TEX10: variants seen among roughly 807,000 people sequenced by gnomAD.
TEX10 encodes the protein testis expressed 10.
In TEX10, 24 loss-of-function variants were observed where a neutral mutation model predicts 104.4. The ratio of observed to expected loss-of-function variants is 0.23; its 90% confidence interval spans 0.17 to 0.32. The LOEUF is 0.32. TEX10 is among the 10% of genes least tolerant of loss of function. The pLI, the probability that TEX10 is intolerant of heterozygous loss-of-function variation, is 1.00. For synonymous variants in TEX10, 396 were observed against 393.4 expected (o/e 1.01, Z -0.08); for missense variants, 921 against 1,083.9 (o/e 0.85, Z 2.11).
chr9:100,351,078 G>C (rs1261253048), intron 1 of TEX10, among the ~76,000 whole-genome samples: 1 of 151,946 alleles, frequency 6.6e-6, no homozygotes, highest in Non-Finnish European at 1.5e-5. Flanking sequence ...ACCAAGCCCG[G>C]TACTAGATGC....
Position 100,322,766 on chromosome 9 carries a change from C to T in TEX10, c.1980-995G>A, listed in dbSNP as rs1233460362. Among the ~76,000 whole-genome samples, 5 of 152,056 alleles carry T rather than the reference C, an allele frequency of 3.3e-5. No homozygotes were observed. In the East Asian group the frequency reaches 9.6e-4, roughly 29 times the overall value. On this transcript the variant is annotated intron_variant, in intron 9 of 14. Transcript: ENST00000374902. Reference sequence around the variant, plus strand: ...GAGTAGCTGGGATTATAGACGTGCACCAACACACCCAGCTAATTTTTGTAT... The same window carrying T: ...GAGTAGCTGGGATTATAGACGTGCATCAACACACCCAGCTAATTTTTGTAT...
At position 100,340,352 on chromosome 9, in the gene TEX10, C is replaced by A. The variant is rs1407485389; in HGVS notation, c.1155G>T (p.Lys385Asn). 3 of 1,559,570 alleles carry A rather than the reference C, an allele frequency of 1.9e-6. No homozygotes were observed. Among genetic ancestry groups the A allele is most frequent in the Non-Finnish European group, 2.6e-6 (3 of 1,161,442 alleles). ...ETHKLESWLR[K>N]NYLIDFKHHF... Reference sequence around the variant, plus strand: ...GGTGTTTAAAATCAATAAGGTAGTTCTTTCGAAGCCATGACTCCTATTGAA... The same window carrying A: ...GGTGTTTAAAATCAATAAGGTAGTTATTTCGAAGCCATGACTCCTATTGAA... Residue 385 changes from lysine (K) to asparagine (N), a missense_variant, in exon 5 of 15, where the codon AAG becomes AAT. Transcript: ENST00000374902.
chr9:100,311,873 A>G (rs1336223671), intron 11 of TEX10, among the ~76,000 whole-genome samples: 1 of 152,202 alleles, frequency 6.6e-6, no homozygotes, highest in East Asian at 1.9e-4. Flanking sequence ...TAGAAGGATG[A>G]ATATCACTCT....
intron 11 of TEX10, among the ~76,000 whole-genome samples, chr9:100,311,876 A>G (rs1834291156): frequency 6.6e-6 from 1 of 152,218 alleles, no homozygotes; most frequent in African/African-American, 2.4e-5. Context: ...AAGGATGAAT[A>G]TCACTCTAGG....
Position 100,326,653 on chromosome 9 carries a change from G to A in TEX10, c.1802-174C>T, listed in dbSNP as rs547975670. Among the ~76,000 whole-genome samples, 3 of 152,050 alleles carry A rather than the reference G, an allele frequency of 2.0e-5. No individual in the cohort carries two copies. The South Asian group carries it at 6.2e-4, about 32-fold the overall frequency. On this transcript the variant is annotated intron_variant, in intron 8 of 14. Coordinates refer to ENST00000374902, the MANE Select transcript of TEX10 (RefSeq NM_017746.4). ...TTAATATCATAAAACACATATGTAT[G>A]GCTTGTTAAGCTACTGCATAAAATA...
chr9:100,345,051 A>G (rs1380105982), intron 4 of TEX10, among the ~76,000 whole-genome samples: 1 of 152,192 alleles, frequency 6.6e-6, no homozygotes, highest in Non-Finnish European at 1.5e-5. Context: ...CTACATCACA[A>G]ATTAACTGCC....
chr9:100,308,536 G>C lies in TEX10; in HGVS notation c.2429C>G (p.Thr810Ser), dbSNP rs201640214. 25 of 1,609,860 alleles carry C rather than the reference G, an allele frequency of 1.6e-5. No individual in the cohort carries two copies. The highest frequency in any genetic ancestry group is 2.1e-5 in the Non-Finnish European group (25 of 1,178,502). The change falls in exon 13 of 15, where the codon ACT (threonine) becomes AGT (serine). Residue 810 changes from threonine to serine, a missense_variant. Transcript: ENST00000374902. The stretch of plus-strand genomic sequence containing the variant: ...ATGTTCTGCTTCCCCTTTCTCTATA[G>C]TGAGCAGAAAATAAAGAAGACTGTA... ...CCYSLLYFLL[T>S]IEKGEAEHLR... is the part of the protein sequence containing the mutation.
intron 9 of TEX10, among the ~76,000 whole-genome samples, chr9:100,322,545 A>G (rs1178626218): frequency 6.6e-6 from 1 of 152,202 alleles, no homozygotes; most frequent in East Asian, 1.9e-4. Flanking sequence ...AAACAAAATT[A>G]GGAACTTCTA....
intron 5 of TEX10, among the ~76,000 whole-genome samples, chr9:100,335,127 G>A (rs1353090419): frequency 2.6e-5 from 4 of 152,102 alleles, no homozygotes; most frequent in Non-Finnish European, 5.9e-5. Context: ...ATAGTTCTTT[G>A]ATATGCAGCA....
chr9:100,303,805 G>A lies in TEX10; in HGVS notation c.2503C>T (p.Leu835Phe), dbSNP rs1834076159. 1 of 1,614,108 alleles carries A rather than the reference G, an allele frequency of 6.2e-7. No individual in the cohort carries two copies. ...LWGVCVSILA[L>F]LPRVLRLMLQ... ...ATCAACCTGAGGACTCGAGGCAAGA[G>A]AGCCAGGATGGAGACACAGACCCCC... Residue 835 changes from leucine to phenylalanine, a missense_variant, in exon 14 of 15, where the codon CTC (leucine) becomes TTC (phenylalanine). By Grantham distance (22) the Leu-to-Phe change is conservative (BLOSUM62 0). This residue lies in a region of TEX10 where 753 missense variants were observed against 868.4 expected (regional missense o/e 0.87). Transcript: ENST00000374902.
intron 6 of TEX10, among the ~76,000 whole-genome samples, chr9:100,329,671 A>C (rs1422286949): frequency 6.6e-6 from 1 of 152,212 alleles, no homozygotes. Flanking sequence ...CAAGGGAAAA[A>C]GTTCTCAAGT....
chr9:100,345,925 G>A, intron 4 of TEX10, 147 bp downstream of exon 4: 1 of 733,046 alleles, frequency 1.4e-6, no homozygotes. Context: ...TTGTAGTTTT[G>A]TGCAAAACAA....
intron 4 of TEX10, 35 bp from the exon 5 acceptor site, chr9:100,340,404 G>GA (rs768187068): frequency 5.3e-6 from 7 of 1,308,846 alleles, no homozygotes; most frequent in Middle Eastern, 1.9e-4. Context: ...AAATCTACAA[G>GA]AAAAAATGTA....
Position 100,346,812 on chromosome 9 carries a change from G to T in TEX10, c.775C>A (p.His259Asn). ...ATAAAAATGGAGTTGCTAGTGGCATGGGGATTTTCTTTCTGTTCCTGAAGT... is the reference window on the plus strand; with the variant it reads ...ATAAAAATGGAGTTGCTAGTGGCATTGGGATTTTCTTTCTGTTCCTGAAGT... ...EGLQEQKENP[H>N]ATSNSIFINW... Residue 259 changes from histidine (H) to asparagine (N), a missense_variant, in exon 3 of 15, where the codon CAT becomes AAT. This residue lies in a region of TEX10 where 753 missense variants were observed against 868.4 expected (regional missense o/e 0.87). Transcript: ENST00000374902. The T allele has an allele frequency of 6.2e-7, 1 of 1,614,154 alleles. No individual in the cohort carries two copies. The highest frequency in any genetic ancestry group is 8.5e-7 in the Non-Finnish European group (1 of 1,180,006).
chr9:100,335,284 C>A (rs1834978716), intron 5 of TEX10, among the ~76,000 whole-genome samples: 1 of 151,610 alleles, frequency 6.6e-6, no homozygotes, highest in Non-Finnish European at 1.5e-5. Flanking sequence ...CTCACTGCAA[C>A]CTTCATCTTC....
chr9:100,319,065 G>A (rs528667240), intron 11 of TEX10, among the ~76,000 whole-genome samples: 433 of 152,010 alleles, frequency 2.8e-3, no homozygotes, highest in Non-Finnish European at 5.1e-3. Flanking sequence ...AGTGGCGGGC[G>A]CCTGTAATCC....
intron 14 of TEX10, among the ~76,000 whole-genome samples, chr9:100,303,276 A>G (rs959020287): frequency 6.6e-6 from 1 of 152,204 alleles, no homozygotes; most frequent in Non-Finnish European, 1.5e-5. Flanking sequence ...AAGAAAGAAA[A>G]AAACTTGCCA....
intron 12 of TEX10, among the ~76,000 whole-genome samples, chr9:100,309,971 T>C (rs1455186149): frequency 6.6e-6 from 1 of 152,174 alleles, no homozygotes; most frequent in Non-Finnish European, 1.5e-5. Flanking sequence ...GTCTAGATGT[T>C]GAATTCTCAA....
At chr9:100,352,022 T>TCTG (rs10625918) in intron 1 of TEX10, among the ~76,000 whole-genome samples, 89,973 of 151,638 alleles carry the variant, frequency 0.59, 27,950 homozygotes, top group East Asian at 0.89. Context: ...GTAGGTCTTT[T>TCTG]CTAATTCCAA....
Sources: gnomAD v4.1 joint callset for allele counts (sites outside exome capture counted in the v4.1 genomes callset) on GRCh38, gnomAD v4.1.1 for gene constraint, gnomAD v4.1.1 regional missense constraint, MANE v1.5 for transcripts, NCBI Gene and HGNC (gene_info 2026-07-23, HGNC 2026-07-21) for gene names.